Variants in AGBL4 observed in about 807,000 individuals in gnomAD.
AGBL4 encodes AGBL carboxypeptidase 4, also known as cytosolic carboxypeptidase 6.
A neutral mutation model predicts 66.4 loss-of-function variants in AGBL4; 58 were observed. The observed-to-expected ratio is 0.87, with a 90% CI of 0.71 to 1.09. AGBL4 has a LOEUF of 1.09. Among genes scored for constraint, AGBL4 ranks in the 50% least tolerant of loss-of-function variants. The pLI, the probability that AGBL4 is intolerant of heterozygous loss-of-function variation, is 0.00. For missense variants in AGBL4, 579 were observed against 631.0 expected (o/e 0.92, Z 0.88); for synonymous variants, 234 against 222.9 (o/e 1.05, Z -0.44).
chr1:49,632,519 T>A (rs1441781697), intron 3 of AGBL4, among the ~76,000 whole-genome samples: 1 of 152,176 alleles, frequency 6.6e-6, no homozygotes, highest in African/African-American at 2.4e-5. Flanking sequence ...GAAGATTCTG[T>A]ATTTGGAAGC....
At chr1:48,689,183 G>A (rs1646581932) in intron 6 of AGBL4, among the ~76,000 whole-genome samples, 1 of 131,520 alleles carries the variant, frequency 7.6e-6, no homozygotes, top group Admixed American at 8.4e-5. Context: ...CAGCCTGGGT[G>A]ACAGAGCGAG....
chr1:49,159,252 G>A (rs1646495334), intron 4 of AGBL4, among the ~76,000 whole-genome samples: 1 of 152,002 alleles, frequency 6.6e-6, no homozygotes, highest in Non-Finnish European at 1.5e-5. Flanking sequence ...TTGTAAGGCA[G>A]GCCTGCTGGT....
chr1:48,644,583 G>A (rs376508816), intron 8 of AGBL4, among the ~76,000 whole-genome samples: 1 of 152,148 alleles, frequency 6.6e-6, no homozygotes, highest in Non-Finnish European at 1.5e-5. Flanking sequence ...CAGTTAAAAG[G>A]CTTCTCAAGT....
intron 3 of AGBL4, among the ~76,000 whole-genome samples, chr1:49,679,263 T>C (rs1646642666): frequency 6.6e-6 from 1 of 152,172 alleles, no homozygotes; most frequent in South Asian, 2.1e-4. Context: ...TCTTGGTGAA[T>C]TGACATTTTT....
At chr1:49,674,599 C>CAT (rs1553246662) in intron 3 of AGBL4, among the ~76,000 whole-genome samples, 1 of 149,052 alleles carries the variant, frequency 6.7e-6, no homozygotes, top group Non-Finnish European at 1.5e-5. Context: ...CACACACACA[C>CAT]ATATGTTTAA....
chr1:49,724,606 G>A (rs533821298), intron 2 of AGBL4, among the ~76,000 whole-genome samples: 13 of 152,240 alleles, frequency 8.5e-5, no homozygotes, highest in South Asian at 4.1e-4. Context: ...AGGACTGTAT[G>A]TTTGTATCCC....
chr1:49,342,166 C>T (rs953817159), intron 3 of AGBL4, among the ~76,000 whole-genome samples: 3 of 152,148 alleles, frequency 2.0e-5, no homozygotes, highest in African/African-American at 7.2e-5. Flanking sequence ...CTCTCCCTCT[C>T]TGATGCCTCA....
intron 4 of AGBL4, among the ~76,000 whole-genome samples, chr1:49,223,110 AC>A (rs1341996934): frequency 6.6e-6 from 1 of 152,186 alleles, no homozygotes; most frequent in East Asian, 1.9e-4. Flanking sequence ...ATCAGTTAAG[AC>A]CTGGGCCTTC....
intron 2 of AGBL4, among the ~76,000 whole-genome samples, chr1:49,775,288 A>G (rs1046242943): frequency 2.0e-5 from 3 of 152,166 alleles, no homozygotes; most frequent in African/African-American, 7.2e-5. Context: ...GATGGTATCT[A>G]CCTTGCAACA....
intron 2 of AGBL4, among the ~76,000 whole-genome samples, chr1:49,780,792 T>A (rs372765632): frequency 6.6e-6 from 1 of 151,862 alleles, no homozygotes; most frequent in Non-Finnish European, 1.5e-5. Flanking sequence ...ATTCAATTGA[T>A]GGCAATGAAG....
At chr1:49,159,934 T>C (rs1646508677) in intron 4 of AGBL4, among the ~76,000 whole-genome samples, 1 of 152,216 alleles carries the variant, frequency 6.6e-6, no homozygotes, top group South Asian at 2.1e-4. Flanking sequence ...TGTTCTTCTC[T>C]AAACTGGTTA....
At position 48,702,166 on chromosome 1, in the gene AGBL4, C is replaced by A. The variant is rs537764435; in HGVS notation, c.635-38925G>T. Among the ~76,000 whole-genome samples the A allele has an allele frequency of 3.9e-5, 6 of 152,322 alleles. No individual in the cohort carries two copies. In the East Asian group the frequency reaches 7.7e-4, roughly 20 times the overall value. On this transcript the variant is annotated intron_variant, in intron 6 of 13. Coordinates refer to ENST00000371839, the MANE Select transcript of AGBL4 (RefSeq NM_032785.4). ...ACCTTGGATGCATTGAGCAGGAAAG[C>A]AGGAGTCCACCGGTTTAGACGACCC...
At chr1:49,980,144 G>A (rs1404250192) in intron 1 of AGBL4, among the ~76,000 whole-genome samples, 6 of 152,056 alleles carry the variant, frequency 3.9e-5, no homozygotes, top group Non-Finnish European at 8.8e-5. Flanking sequence ...AAAGTTTTGG[G>A]GGGGTCTAAA....
At chr1:49,942,600 T>A (rs1329296857) in intron 1 of AGBL4, among the ~76,000 whole-genome samples, 2 of 152,120 alleles carry the variant, frequency 1.3e-5, no homozygotes, top group African/African-American at 4.8e-5. Flanking sequence ...GTTTCTTCAA[T>A]AAATAGTGTT....
intron 3 of AGBL4, among the ~76,000 whole-genome samples, chr1:49,572,056 G>C (rs1315767889): frequency 6.6e-6 from 1 of 152,074 alleles, no homozygotes; most frequent in African/African-American, 2.4e-5. Context: ...TGTTTGCTTG[G>C]TTTTGGTAGC....
At chr1:49,073,611 C>A (rs1644653461) in intron 4 of AGBL4, among the ~76,000 whole-genome samples, 1 of 152,166 alleles carries the variant, frequency 6.6e-6, no homozygotes, top group Non-Finnish European at 1.5e-5. Context: ...CTGCCTGATC[C>A]TTCCTCTGGA....
At chr1:49,410,104 T>G (rs1645286133) in intron 3 of AGBL4, among the ~76,000 whole-genome samples, 1 of 152,142 alleles carries the variant, frequency 6.6e-6, no homozygotes, top group Non-Finnish European at 1.5e-5. Flanking sequence ...ATACCTCTTG[T>G]TGAACCCAAA....
intron 6 of AGBL4, among the ~76,000 whole-genome samples, chr1:48,696,560 C>A (rs559520269): frequency 6.6e-6 from 1 of 152,118 alleles, no homozygotes; most frequent in Non-Finnish European, 1.5e-5. Context: ...ATGTCTTTTC[C>A]TTTATAAAAC....
chr1:49,236,805 C>T (rs2148309527), intron 4 of AGBL4, among the ~76,000 whole-genome samples: 1 of 152,208 alleles, frequency 6.6e-6, no homozygotes, highest in African/African-American at 2.4e-5. Flanking sequence ...CCTTTATAGT[C>T]AGTGATATGG....
Sources: allele counts gnomAD v4.1 joint callset (sites outside exome capture counted in the v4.1 genomes callset), GRCh38; gene constraint gnomAD v4.1.1; transcripts MANE v1.5; gene names NCBI Gene and HGNC (gene_info 2026-07-23, HGNC 2026-07-21).